COL13A1: variants seen among roughly 807,000 people sequenced by gnomAD.
COL13A1 encodes the protein collagen alpha-1(XIII) chain.
COL13A1 carries 89 observed loss-of-function variants against 130.9 expected under a neutral mutation model. The observed-to-expected ratio is 0.68, with a 90% CI of 0.57 to 0.81. The LOEUF is 0.81. COL13A1 is among the 30% of genes least tolerant of loss of function. COL13A1 has a pLI of 0.00. For missense variants in COL13A1, 879 were observed against 934.6 expected (o/e 0.94, Z 0.78); for synonymous variants, 402 against 341.6 (o/e 1.18, Z -1.95).
At chr10:69,853,372 G>A (rs1335077296) in intron 2 of COL13A1, among the ~76,000 whole-genome samples, 1 of 151,738 alleles carries the variant, frequency 6.6e-6, no homozygotes, top group Non-Finnish European at 1.5e-5. Flanking sequence ...CCTCTTATCT[G>A]CTGAGTGACC....
At chr10:69,937,331 C>T (rs1179366241) in intron 33 of COL13A1, among the ~76,000 whole-genome samples, 1 of 152,212 alleles carries the variant, frequency 6.6e-6, no homozygotes, top group Non-Finnish European at 1.5e-5. Context: ...GAGCAAATCT[C>T]TGTAAGGTTC....
chr10:69,897,399 G>T, intron 13 of COL13A1: 1 of 1,469,608 alleles, frequency 6.8e-7, no homozygotes, highest in South Asian at 1.2e-5. Flanking sequence ...GGGAGCAGGG[G>T]AGCTGGTGTC....
At position 69,872,211 on chromosome 10, in the gene COL13A1, G is replaced by C; in HGVS notation, c.399+1G>C. ...TCCCACTGGAAGACCCGGACTCCCAGTAAGTCACTTTTGTTTCTTCTTTCC... is the reference window on the plus strand; with the variant it reads ...TCCCACTGGAAGACCCGGACTCCCACTAAGTCACTTTTGTTTCTTCTTTCC... On this transcript the variant is annotated splice_donor_variant, in intron 4 of 40. Coordinates refer to ENST00000645393, the MANE Select transcript of COL13A1 (RefSeq NM_001368882.1). LOFTEE classifies it high-confidence loss of function. The C allele has an allele frequency of 1.2e-6, 2 of 1,614,032 alleles. No homozygotes were observed. The highest frequency in any genetic ancestry group is 1.7e-6 in the Non-Finnish European group (2 of 1,179,892).
chr10:69,864,187 G>A (rs1859108356), intron 2 of COL13A1, among the ~76,000 whole-genome samples: 1 of 151,988 alleles, frequency 6.6e-6, no homozygotes, highest in Non-Finnish European at 1.5e-5. Context: ...CTAAGCCTCA[G>A]GTTCCAAGTC....
chr10:69,917,361 CA>C (rs759151272), intron 18 of COL13A1, 28 bp downstream of exon 18: 1 of 1,601,608 alleles, frequency 6.2e-7, no homozygotes, highest in Admixed American at 1.7e-5. Flanking sequence ...ACATCCCAGG[CA>C]GCCCCAAGGC....
Position 69,802,283 on chromosome 10 carries a change from G to C in COL13A1, c.-141G>C, listed in dbSNP as rs1200748893. ...TACTGCTAATTTTTCCGTCCTCTTTGCCGGGAGCAGCGGAAAGGGACGTTT... is the reference window on the plus strand; with the variant it reads ...TACTGCTAATTTTTCCGTCCTCTTTCCCGGGAGCAGCGGAAAGGGACGTTT... On this transcript the variant is annotated 5_prime_UTR_variant, in exon 1 of 41. Coordinates refer to ENST00000645393, the MANE Select transcript of COL13A1 (RefSeq NM_001368882.1). 2 of 1,036,640 alleles carry C rather than the reference G, an allele frequency of 1.9e-6. No homozygotes were observed. Among genetic ancestry groups the C allele is most frequent in the Non-Finnish European group, 2.6e-6 (2 of 779,508 alleles). The allele number at this position is 1,036,640 out of a possible 1,614,324, so 64.2% of individuals were successfully genotyped here. A position where few individuals can be genotyped will look rare whatever the true frequency, so the allele number is the denominator to read the frequency against.
chr10:69,820,805 C>T (rs956575667), intron 1 of COL13A1, among the ~76,000 whole-genome samples: 1 of 152,204 alleles, frequency 6.6e-6, no homozygotes, highest in Non-Finnish European at 1.5e-5. Context: ...ACTCACCTTC[C>T]TCCAGCAGGT....
chr10:69,862,684 A>G (rs1194173918), intron 2 of COL13A1, among the ~76,000 whole-genome samples: 1 of 152,150 alleles, frequency 6.6e-6, no homozygotes, highest in Non-Finnish European at 1.5e-5. Context: ...TGCCTCCTTC[A>G]AGCTTCGGGG....
chr10:69,919,274 CCT>C (rs1053885201), intron 20 of COL13A1, among the ~76,000 whole-genome samples, 186 bp downstream of exon 20: 1 of 152,300 alleles, frequency 6.6e-6, no homozygotes, highest in African/African-American at 2.4e-5. Flanking sequence ...TGGGTCCTGG[CCT>C]GCAGGCATGC....
At chr10:69,882,280 G>T (rs939850535) in intron 7 of COL13A1, among the ~76,000 whole-genome samples, 2 of 152,154 alleles carry the variant, frequency 1.3e-5, no homozygotes, top group African/African-American at 4.8e-5. Context: ...GGATCCTGCT[G>T]GTCCTCTCAC....
At chr10:69,944,244 AG>A (rs1480359779) in intron 36 of COL13A1, 66 bp downstream of exon 36, 1 of 1,331,510 alleles carries the variant, frequency 7.5e-7, no homozygotes, top group Non-Finnish European at 1.1e-6. Flanking sequence ...ACCCAACACC[AG>A]GGGTCTCAGC....
chr10:69,804,867 G>A (rs3998817), intron 1 of COL13A1, among the ~76,000 whole-genome samples: 38,491 of 145,298 alleles, frequency 0.26, 5,834 homozygotes, highest in Non-Finnish European at 0.32. Context: ...AAAAGAGAGG[G>A]GCCTGGGGAA....
intron 5 of COL13A1, among the ~76,000 whole-genome samples, chr10:69,877,835 T>G (rs1160949496): frequency 6.6e-6 from 1 of 152,098 alleles, no homozygotes; most frequent in Non-Finnish European, 1.5e-5. Context: ...GCCTTCCACA[T>G]GCCACATGCT....
At chr10:69,951,458 T>C (rs1195364500) in intron 38 of COL13A1, among the ~76,000 whole-genome samples, 1 of 152,088 alleles carries the variant, frequency 6.6e-6, no homozygotes, top group Non-Finnish European at 1.5e-5. Flanking sequence ...CTCTTGTCCT[T>C]GGCTCAAGTG....
chr10:69,813,771 C>G (rs1262662814), intron 1 of COL13A1, among the ~76,000 whole-genome samples: 2 of 152,192 alleles, frequency 1.3e-5, no homozygotes, highest in African/African-American at 2.4e-5. Flanking sequence ...GGGCATGTGG[C>G]TACGAGTGGG....
intron 1 of COL13A1, among the ~76,000 whole-genome samples, chr10:69,813,369 C>T (rs1843567337): frequency 6.6e-6 from 1 of 152,188 alleles, no homozygotes; most frequent in Non-Finnish European, 1.5e-5. Flanking sequence ...GGAAGGACTT[C>T]GTCATACGAA....
chr10:69,823,843 C>A (rs555556700), intron 2 of COL13A1, among the ~76,000 whole-genome samples: 1 of 152,132 alleles, frequency 6.6e-6, no homozygotes, highest in Non-Finnish European at 1.5e-5. Flanking sequence ...TCTGGGAAAG[C>A]TTTCAGGAGA....
At chr10:69,919,847 G>C in intron 21 of COL13A1, 120 bp downstream of exon 21, 1 of 397,472 alleles carries the variant, frequency 2.5e-6, no homozygotes, top group East Asian at 3.6e-5. Context: ...CATGTGTTCC[G>C]AGATGAGGGG....
At chr10:69,890,223 T>C (rs2061035958) in intron 10 of COL13A1, among the ~76,000 whole-genome samples, 1 of 152,140 alleles carries the variant, frequency 6.6e-6, no homozygotes, top group Non-Finnish European at 1.5e-5. Context: ...CAGAAGGGAA[T>C]GAGGGGCTGC....
Sources: gnomAD v4.1 joint callset for allele counts (sites outside exome capture counted in the v4.1 genomes callset) on GRCh38, gnomAD v4.1.1 for gene constraint, MANE v1.5 for transcripts, NCBI Gene and HGNC (gene_info 2026-07-23, HGNC 2026-07-21) for gene names.